Variants in B3GALT1 observed in about 807,000 individuals in gnomAD.
B3GALT1 encodes beta-1,3-galactosyltransferase 1, also known as UDP-Gal:betaGlcNAc beta 1,3-galactosyltransferase, polypeptide 1.
In B3GALT1, 10 loss-of-function variants were observed where a neutral mutation model predicts 23.2. The ratio of observed to expected loss-of-function variants is 0.43; its 90% CI spans 0.27 to 0.73. B3GALT1 has a LOEUF of 0.73. B3GALT1 is among the 30% of genes least tolerant of loss of function. The pLI is 0.21. For synonymous variants in B3GALT1, 156 were observed against 141.5 expected (o/e 1.10, Z -0.73); for missense variants, 299 against 405.4 (o/e 0.74, Z 2.25).
At chr2:167,403,649 G>A (rs1698230175) in intron 1 of B3GALT1, among the ~76,000 whole-genome samples, 1 of 152,106 alleles carries the variant, frequency 6.6e-6, no homozygotes, top group Non-Finnish European at 1.5e-5. Context: ...GGGAAGGGAA[G>A]CCCTGCTCTA....
At chr2:167,365,545 T>C (rs1697572217) in intron 1 of B3GALT1, among the ~76,000 whole-genome samples, 1 of 151,554 alleles carries the variant, frequency 6.6e-6, no homozygotes. Context: ...GAAGATCGTA[T>C]CTTTTCTTAG....
In B3GALT1 at chr2:167,314,677, A is replaced by G. The variant is rs1397025479; in HGVS notation, c.-511+21343A>G. ...TGCAAATAAGACACATTTTATGTGGACACATTTTTTTTCTGAGTGTGATAA... is the reference window on the plus strand; with the variant it reads ...TGCAAATAAGACACATTTTATGTGGGCACATTTTTTTTCTGAGTGTGATAA... On this transcript the variant is annotated intron_variant, in intron 1 of 4. Coordinates refer to ENST00000392690, the MANE Select transcript of B3GALT1 (RefSeq NM_020981.4). Among the ~76,000 whole-genome samples, 8 of 152,196 alleles carry G rather than the reference A, an allele frequency of 5.3e-5. No individual in the cohort carries two copies. In the East Asian group the frequency reaches 9.6e-4, roughly 18 times the overall value.
intron 3 of B3GALT1, among the ~76,000 whole-genome samples, chr2:167,756,620 G>A (rs75635199): frequency 3.6e-4 from 55 of 152,246 alleles, no homozygotes; most frequent in African/African-American, 1.2e-3. Flanking sequence ...CTTTACTTGC[G>A]GACCAAACTA....
chr2:167,864,515 G>C (rs1459214735), intron 4 of B3GALT1, among the ~76,000 whole-genome samples: 1 of 152,188 alleles, frequency 6.6e-6, no homozygotes, highest in African/African-American at 2.4e-5. Context: ...AGTGAGCTGT[G>C]ATTGTGCCAC....
At chr2:167,810,553 T>G (rs1688866223) in intron 3 of B3GALT1, among the ~76,000 whole-genome samples, 1 of 151,088 alleles carries the variant, frequency 6.6e-6, no homozygotes, top group African/African-American at 2.5e-5. Flanking sequence ...CCAAGTTCAA[T>G]GAATATAGGC....
intron 2 of B3GALT1, among the ~76,000 whole-genome samples, chr2:167,574,747 T>A (rs1284111406): frequency 2.6e-5 from 4 of 151,770 alleles, no homozygotes; most frequent in Non-Finnish European, 5.9e-5. Context: ...AAAATTAGAA[T>A]ATGAATTAAT....
intron 1 of B3GALT1, among the ~76,000 whole-genome samples, chr2:167,321,633 C>T (rs1465440371): frequency 6.6e-6 from 1 of 152,068 alleles, no homozygotes; most frequent in Non-Finnish European, 1.5e-5. Flanking sequence ...CATCTCTCTA[C>T]TTGTGCTGTC....
At chr2:167,326,187 T>TG (rs949252574) in intron 1 of B3GALT1, among the ~76,000 whole-genome samples, 1 of 150,144 alleles carries the variant, frequency 6.7e-6, no homozygotes, top group African/African-American at 2.4e-5. Flanking sequence ...TTAGTGATGT[T>TG]GAGTTTTTTT....
At chr2:167,691,078 A>G (rs1007029968) in intron 3 of B3GALT1, among the ~76,000 whole-genome samples, 1 of 152,088 alleles carries the variant, frequency 6.6e-6, no homozygotes, top group Non-Finnish European at 1.5e-5. Context: ...TAAATAATTG[A>G]TGTTTAAATT....
chr2:167,451,421 G>T (rs1699089096), intron 1 of B3GALT1, among the ~76,000 whole-genome samples: 1 of 152,076 alleles, frequency 6.6e-6, no homozygotes, highest in Admixed American at 6.5e-5. Context: ...TTTTCCTATG[G>T]ATGTGGCTTC....
chr2:167,635,063 G>A (rs1338809980), intron 2 of B3GALT1, among the ~76,000 whole-genome samples: 2 of 152,032 alleles, frequency 1.3e-5, no homozygotes, highest in South Asian at 2.1e-4. Context: ...ATCAATAAAC[G>A]TAATCCATCA....
At position 167,591,972 on chromosome 2, in the gene B3GALT1, G is replaced by A. The variant is rs79063316; in HGVS notation, c.-409-54937G>A. 6.2e-3 allele frequency among the ~76,000 whole-genome samples: 942 copies of A among 152,258 alleles called. 9 individuals carry two copies. The highest frequency in any genetic ancestry group is 0.022 in the African/African-American group (912 of 41,544). On this transcript the variant is annotated intron_variant, in intron 2 of 4. Transcript: ENST00000392690. The stretch of plus-strand genomic sequence containing the variant: ...GTGATCAGATTCTGAATATAATATT[G>A]AAGGTAGATCCAATAGGATTTGACA...
At chr2:167,593,245 G>A (rs1321894253) in intron 2 of B3GALT1, among the ~76,000 whole-genome samples, 36 of 152,036 alleles carry the variant, frequency 2.4e-4, no homozygotes, top group Admixed American at 1.3e-3. Context: ...AAAATATACT[G>A]TACTCATGTG....
intron 2 of B3GALT1, among the ~76,000 whole-genome samples, chr2:167,621,047 T>C (rs1028055868): frequency 6.6e-6 from 1 of 151,498 alleles, no homozygotes; most frequent in African/African-American, 2.4e-5. Flanking sequence ...CTAGCTGCAA[T>C]TGGGATATTT....
chr2:167,531,833 A>G (rs921795139), intron 2 of B3GALT1, among the ~76,000 whole-genome samples: 2 of 152,174 alleles, frequency 1.3e-5, no homozygotes, highest in Non-Finnish European at 2.9e-5. Context: ...AAATTTATCA[A>G]GATATTTTAA....
chr2:167,620,987 C>T (rs1408347955), intron 2 of B3GALT1, among the ~76,000 whole-genome samples: 1 of 151,118 alleles, frequency 6.6e-6, no homozygotes, highest in Non-Finnish European at 1.5e-5. Flanking sequence ...CTGAAGGATG[C>T]TTTCTTTCAT....
chr2:167,802,318 G>A (rs990258835), intron 3 of B3GALT1, among the ~76,000 whole-genome samples: 1 of 152,214 alleles, frequency 6.6e-6, no homozygotes, highest in African/African-American at 2.4e-5. Flanking sequence ...TAAGCCTTGT[G>A]GAAGAAAACA....
At chr2:167,392,596 A>T (rs1698030513) in intron 1 of B3GALT1, among the ~76,000 whole-genome samples, 1 of 152,146 alleles carries the variant, frequency 6.6e-6, no homozygotes, top group Non-Finnish European at 1.5e-5. Flanking sequence ...AAACTGTATT[A>T]TTGCTGTTTT....
intron 4 of B3GALT1, among the ~76,000 whole-genome samples, chr2:167,840,477 TATC>T (rs1469574357): frequency 6.6e-6 from 1 of 151,312 alleles, no homozygotes; most frequent in African/African-American, 2.4e-5. Context: ...CACAATGAGA[TATC>T]ATCTCACACC....
Sources: allele counts gnomAD v4.1 joint callset (sites outside exome capture counted in the v4.1 genomes callset), GRCh38; gene constraint gnomAD v4.1.1; transcripts MANE v1.5; gene names NCBI Gene and HGNC (gene_info 2026-07-23, HGNC 2026-07-21).